TOX2: variants seen among roughly 807,000 people sequenced by gnomAD.
TOX2 encodes granulosa cell HMG box 1.
In TOX2, 15 loss-of-function variants were observed where a neutral mutation model predicts 47.4. That is an observed-to-expected ratio of 0.32 (90% CI 0.21 to 0.49). The LOEUF is 0.49. Among genes scored for constraint, TOX2 ranks in the 20% least tolerant of loss-of-function variants. The pLI is 0.99. For missense variants in TOX2, 622 were observed against 673.1 expected (o/e 0.92, Z 0.84); for synonymous variants, 290 against 296.6 (o/e 0.98, Z 0.23).
At chr20:44,061,379 A>C (rs992651932) in intron 5 of TOX2, among the ~76,000 whole-genome samples, 1 of 152,106 alleles carries the variant, frequency 6.6e-6, no homozygotes, top group African/African-American at 2.4e-5. Context: ...TAATACCCAA[A>C]CCAGGAAAGG....
At chr20:44,012,154 GT>G (rs1281496821) in intron 3 of TOX2, among the ~76,000 whole-genome samples, 1 of 152,248 alleles carries the variant, frequency 6.6e-6, no homozygotes, top group African/African-American at 2.4e-5. Flanking sequence ...GATATTGTAT[GT>G]ATAAATCAGT....
chr20:43,948,623 G>A (rs1036731440), intron 1 of TOX2, among the ~76,000 whole-genome samples: 2 of 152,042 alleles, frequency 1.3e-5, no homozygotes, highest in Non-Finnish European at 2.9e-5. Context: ...GGGAGGCCCC[G>A]GGCCTGCTGG....
intron 1 of TOX2, among the ~76,000 whole-genome samples, chr20:43,929,979 A>T (rs1405619254): frequency 2.0e-5 from 3 of 152,186 alleles, no homozygotes; most frequent in Admixed American, 2.0e-4. Flanking sequence ...AAGCGCTGGG[A>T]TTACAGACGT....
intron 1 of TOX2, among the ~76,000 whole-genome samples, chr20:43,926,456 C>CATA (rs1291081289): frequency 1.3e-5 from 2 of 152,314 alleles, no homozygotes; most frequent in East Asian, 3.9e-4. Context: ...GGTTTCCTCA[C>CATA]ATAATCACAA....
At chr20:43,973,500 G>A in intron 2 of TOX2, 68 bp downstream of exon 2, 1 of 1,468,908 alleles carries the variant, frequency 6.8e-7, no homozygotes, top group Non-Finnish European at 9.5e-7. Flanking sequence ...GCTGTTCCTG[G>A]GTGGAGGTAG....
At chr20:43,952,092 G>A (rs1384283286) in intron 1 of TOX2, among the ~76,000 whole-genome samples, 131 of 151,800 alleles carry the variant, frequency 8.6e-4, no homozygotes, top group African/African-American at 2.6e-3. Flanking sequence ...TAGTAGAGAT[G>A]GGGTTTCACC....
intron 4 of TOX2, among the ~76,000 whole-genome samples, chr20:44,053,439 T>TATATATACAC (rs373458500): frequency 7.0e-6 from 1 of 143,108 alleles, no homozygotes; most frequent in Non-Finnish European, 1.5e-5. Context: ...GGCAGATATA[T>TATATATACAC]ACACACACAC....
At chr20:43,993,712 C>T (rs1008927332) in intron 2 of TOX2, among the ~76,000 whole-genome samples, 7 of 152,120 alleles carry the variant, frequency 4.6e-5, no homozygotes, top group Non-Finnish European at 7.3e-5. Context: ...CATGCTATAG[C>T]AATAGAGTTG....
intron 3 of TOX2, among the ~76,000 whole-genome samples, chr20:44,037,302 C>T (rs993061105): frequency 6.6e-6 from 1 of 152,168 alleles, no homozygotes; most frequent in East Asian, 1.9e-4. Flanking sequence ...AAGCTCATAC[C>T]TTAAGCAAGT....
rs546964022 is a variant in TOX2 at position 44,028,651 on chromosome 20, C to G, written c.411+21859C>G. On this transcript the variant is annotated intron_variant, in intron 3 of 8. Coordinates refer to ENST00000341197, the MANE Select transcript of TOX2 (RefSeq NM_001098797.2). ...CCAGTGATACAGACAGACAAAGACG[C>G]AAAGGAGTAAGATGTGCCCTCCCTG... is the stretch of plus-strand genomic sequence containing the variant. Among the ~76,000 whole-genome samples, 3 of 152,090 alleles carry G rather than the reference C, an allele frequency of 2.0e-5. No individual in the cohort carries two copies. In the South Asian group the frequency reaches 6.2e-4, roughly 32 times the overall value.
intron 2 of TOX2, among the ~76,000 whole-genome samples, chr20:43,978,358 C>T (rs1356885326): frequency 6.6e-6 from 1 of 152,210 alleles, no homozygotes; most frequent in Non-Finnish European, 1.5e-5. Context: ...CTGCCTCCCT[C>T]CCGCCCTTCT....
chr20:44,028,888 T>A (rs2071105785), intron 3 of TOX2, among the ~76,000 whole-genome samples: 1 of 152,222 alleles, frequency 6.6e-6, no homozygotes, highest in Admixed American at 6.5e-5. Context: ...AGCTCTCTCC[T>A]GTCCATGACA....
rs1203570954 is a variant in TOX2 at position 44,068,947 on chromosome 20, T to C, written c.*261T>C. The C allele has an allele frequency of 4.7e-6, 3 of 635,878 alleles. No homozygotes were observed. The highest frequency in any genetic ancestry group is 4.5e-5 in the South Asian group (3 of 66,044). The allele number at this position is 635,878 out of a possible 1,614,324, so 39.4% of individuals were successfully genotyped here. A position where few individuals can be genotyped will look rare whatever the true frequency, so the allele number is the denominator to read the frequency against. ...CTTGCTCCAGGGTAACTGTGGACCCTGTCCTCGCCCTGCGCACGGTACCCT... is the reference window on the plus strand; with the variant it reads ...CTTGCTCCAGGGTAACTGTGGACCCCGTCCTCGCCCTGCGCACGGTACCCT... On this transcript the variant is annotated 3_prime_UTR_variant, in exon 9 of 9. Transcript: ENST00000341197.
At chr20:43,945,845 C>T in intron 1 of TOX2, 1 of 1,594,660 alleles carries the variant, frequency 6.3e-7, no homozygotes. Flanking sequence ...CAATAGAGGA[C>T]CAAGAGTTGT....
chr20:44,047,302 C>A (rs73120179), intron 3 of TOX2, among the ~76,000 whole-genome samples: 212 of 152,210 alleles, frequency 1.4e-3, no homozygotes, highest in Non-Finnish European at 2.2e-3. Context: ...AGAGAAATGC[C>A]CCCTGCATGG....
In TOX2 at chr20:44,006,753, A is replaced by G. The variant is rs749188154; in HGVS notation, c.372A>G (p.Leu124=). ...CAGCCATCATGGTGTCCAACATGCTAGCACAGGACAGCCACCTGCTGTCGG... is the reference window on the plus strand; with the variant it reads ...CAGCCATCATGGTGTCCAACATGCTGGCACAGGACAGCCACCTGCTGTCGG... The part of the protein sequence containing the change: ...DLPAIMVSNM[L]AQDSHLLSGQ... The change falls in exon 3 of 9, where the codon CTA becomes CTG. Residue 124 remains leucine (L), a synonymous_variant. Transcript: ENST00000341197. 17 of 1,613,844 alleles carry G rather than the reference A, an allele frequency of 1.1e-5. No homozygotes were observed. Among genetic ancestry groups the G allele is most frequent in the African/African-American group, 1.3e-5 (1 of 74,932 alleles).
intron 1 of TOX2, among the ~76,000 whole-genome samples, chr20:43,951,525 T>C (rs1467614566): frequency 6.6e-6 from 1 of 151,806 alleles, no homozygotes; most frequent in Non-Finnish European, 1.5e-5. Flanking sequence ...TGCAGTGAGC[T>C]GAGATCGTGC....
intron 1 of TOX2, among the ~76,000 whole-genome samples, chr20:43,923,100 C>T (rs2069128408): frequency 6.6e-6 from 1 of 151,990 alleles, no homozygotes; most frequent in African/African-American, 2.4e-5. Context: ...GCAGAGGGAG[C>T]AGCCATTGTA....
chr20:44,003,054 G>A (rs538355037), intron 2 of TOX2, among the ~76,000 whole-genome samples: 1 of 152,146 alleles, frequency 6.6e-6, no homozygotes, highest in Admixed American at 6.5e-5. Flanking sequence ...AAGCTGCCTG[G>A]CTCCTAACCA....
Sources: allele counts gnomAD v4.1 joint callset (sites outside exome capture counted in the v4.1 genomes callset), GRCh38; gene constraint gnomAD v4.1.1; transcripts MANE v1.5; gene names NCBI Gene and HGNC (gene_info 2026-07-23, HGNC 2026-07-21).